ZNF652: variants seen among roughly 807,000 people sequenced by gnomAD.
The protein encoded by ZNF652 is zinc finger protein 652.
ZNF652 carries 16 observed loss-of-function variants against 45.2 expected under a neutral mutation model. The ratio of observed to expected loss-of-function variants is 0.35; its 90% CI spans 0.24 to 0.54. The LOEUF (loss-of-function observed/expected upper bound fraction) is 0.54. Among genes scored for constraint, ZNF652 ranks in the 20% least tolerant of loss-of-function variants. The pLI, the probability that ZNF652 is intolerant of heterozygous loss-of-function variation, is 0.91. For synonymous variants in ZNF652, 250 were observed against 260.6 expected, an observed-to-expected ratio of 0.96 and a Z score of 0.39; for missense variants, 614 against 765.6, an observed-to-expected ratio of 0.80 and a Z score of 2.34.
chr17:49,298,953 T>A, intron 5 of ZNF652, 29 bp from the exon 6 acceptor site: 3 of 1,579,468 alleles, frequency 1.9e-6, no homozygotes, highest in Non-Finnish European at 2.6e-6. Flanking sequence ...TAAAAATGAT[T>A]AACATATTAG....
At chr17:49,342,318 T>C (rs1038104302) in intron 1 of ZNF652, among the ~76,000 whole-genome samples, 1 of 152,072 alleles carries the variant, frequency 6.6e-6, no homozygotes, top group Non-Finnish European at 1.5e-5. Flanking sequence ...TATTTAAAAA[T>C]TTTTATGTTA....
intron 1 of ZNF652, among the ~76,000 whole-genome samples, chr17:49,361,545 C>T (rs1179489630): frequency 6.6e-6 from 1 of 152,178 alleles, no homozygotes; most frequent in African/African-American, 2.4e-5. Flanking sequence ...GGCAGGAGAA[C>T]GCTCGCAGGA....
In ZNF652 at chr17:49,298,875, G is replaced by A. The variant is rs936377854; in HGVS notation, c.1359C>T (p.Arg453=). 4 of 1,613,402 alleles carry A rather than the reference G, an allele frequency of 2.5e-6. No homozygotes were observed. The African/African-American group carries it at 5.3e-5, about 22-fold the overall frequency. ...CEICGKSFTS[R]PNMKRHRRTH... ...TTCTGCGGTGTCTCTTCATGTTGGG[G>A]CGGCTGGTGAAGCTTTTGCCACAGA... is the stretch of plus-strand genomic sequence containing the variant. The change falls in exon 6 of 6, where the codon CGC becomes CGT. Residue 453 remains arginine (R), a synonymous_variant. Coordinates refer to ENST00000430262, the MANE Select transcript of ZNF652 (RefSeq NM_001145365.3).
rs1168290791 is a variant in ZNF652 at position 49,351,006 on chromosome 17, TATATATATAC to T, written c.-259+10893_-259+10902del. ...ATATATATATATATATATATATATA[TATATATATAC>T]ACACACACACACACACACACACACA... is the stretch of plus-strand genomic sequence containing the variant. On this transcript the variant is annotated intron_variant, in intron 1 of 5. Transcript: ENST00000430262. Among the ~76,000 whole-genome samples, 76 of 21,260 alleles carry T rather than the reference TATATATATAC, an allele frequency of 3.6e-3. 1 individual carries two copies. Among genetic ancestry groups the T allele is most frequent in the Non-Finnish European group, 5.4e-3 (59 of 10,858 alleles). 13.9% of individuals were successfully genotyped at this position (21,260 alleles called of 152,430 possible).
At chr17:49,351,317 A>C (rs746565505) in intron 1 of ZNF652, among the ~76,000 whole-genome samples, 19 of 152,020 alleles carry the variant, frequency 1.2e-4, no homozygotes, top group Non-Finnish European at 2.5e-4. Context: ...CTAACCGTGA[A>C]ACGTGCATAT....
intron 1 of ZNF652, among the ~76,000 whole-genome samples, chr17:49,361,616 C>T (rs898004282): frequency 7.9e-5 from 12 of 152,146 alleles, no homozygotes; most frequent in Non-Finnish European, 1.5e-4. Context: ...CCCCTCAGGC[C>T]TCAGGGCGAG....
intron 1 of ZNF652, among the ~76,000 whole-genome samples, chr17:49,354,651 G>A (rs2070316625): frequency 6.6e-6 from 1 of 151,182 alleles, no homozygotes; most frequent in Non-Finnish European, 1.5e-5. Context: ...AAAAAAACCT[G>A]TCCACTAAAA....
intron 1 of ZNF652, among the ~76,000 whole-genome samples, chr17:49,326,139 A>G (rs549313699): frequency 1.1e-4 from 17 of 151,880 alleles, no homozygotes; most frequent in African/African-American, 4.1e-4. Context: ...TGGGCCAGGT[A>G]CAGTGGCTCA....
rs2069708457 is a variant in ZNF652, at chr17:49,311,319, T to C, written c.1302A>G (p.Thr434=). Residue 434 remains threonine (T), a synonymous_variant, in exon 5 of 6, where the codon ACA becomes ACG. Transcript: ENST00000430262. ...MKQYFDEHMK[T]HTGEKPFICE... ...TTCCCAAGAAATTCTTACCAGTGTG[T>C]GTTTTCATGTGTTCGTCGAAGTACT... is the stretch of plus-strand genomic sequence containing the variant. 1 of 1,614,086 alleles carries C rather than the reference T, an allele frequency of 6.2e-7. No homozygotes were observed. The highest frequency in any genetic ancestry group is 8.5e-7 in the Non-Finnish European group (1 of 1,179,936).
intron 1 of ZNF652, among the ~76,000 whole-genome samples, chr17:49,348,481 AAAG>A (rs2070232127): frequency 4.7e-5 from 1 of 21,372 alleles, no homozygotes; most frequent in African/African-American, 1.4e-4. Context: ...TTGCCTCAAA[AAAG>A]AAAAGAAAAG....
chr17:49,327,779 A>T (rs7502292), intron 1 of ZNF652, among the ~76,000 whole-genome samples: 410 of 3,974 alleles, frequency 0.1, 3 homozygotes, highest in Middle Eastern at 0.17. Context: ...ATATATATAT[A>T]TTTTTTTTTT....
chr17:49,301,763 A>C (rs944687179), intron 5 of ZNF652, among the ~76,000 whole-genome samples: 1 of 152,080 alleles, frequency 6.6e-6, no homozygotes, highest in African/African-American at 2.4e-5. Context: ...GTGTTGTTTC[A>C]AGCCTGTAAT....
chr17:49,339,847 C>T lies in ZNF652; in HGVS notation c.-258-21864G>A, dbSNP rs565272983. ...ATGTAAAAGCCAAGAGATTCTTCTGCCTCAGCCTCCCGAGTATCTGGGACA... is the reference window on the plus strand; with the variant it reads ...ATGTAAAAGCCAAGAGATTCTTCTGTCTCAGCCTCCCGAGTATCTGGGACA... On this transcript the variant is annotated intron_variant, in intron 1 of 5. Transcript: ENST00000430262. 5.3e-5 allele frequency among the ~76,000 whole-genome samples: 8 copies of T among 152,344 alleles called. No homozygotes were observed. The South Asian group carries it at 1.4e-3, about 28-fold the overall frequency.
intron 1 of ZNF652, among the ~76,000 whole-genome samples, chr17:49,340,816 G>A (rs35587648): frequency 0.36 from 54,477 of 151,924 alleles, 10,036 homozygotes; most frequent in Non-Finnish European, 0.38. Context: ...AGCTGAGGCA[G>A]GAGGATAGCT....
chr17:49,355,621 C>T (rs771698027), intron 1 of ZNF652, among the ~76,000 whole-genome samples: 4 of 148,060 alleles, frequency 2.7e-5, no homozygotes, highest in Non-Finnish European at 4.5e-5. Flanking sequence ...TAGTAGTGAC[C>T]GGGCGCGGTG....
At chr17:49,309,013 A>T (rs1258855524) in intron 5 of ZNF652, among the ~76,000 whole-genome samples, 1 of 152,122 alleles carries the variant, frequency 6.6e-6, no homozygotes, top group Non-Finnish European at 1.5e-5. Context: ...AAACAAAGAA[A>T]TACAAGAGAA....
At chr17:49,336,990 G>C (rs2070092367) in intron 1 of ZNF652, among the ~76,000 whole-genome samples, 1 of 132,126 alleles carries the variant, frequency 7.6e-6, no homozygotes, top group Non-Finnish European at 1.6e-5. Flanking sequence ...CAGGTTGAGT[G>C]AAATAAAATC....
intron 1 of ZNF652, among the ~76,000 whole-genome samples, chr17:49,351,006 TATATATATACAC>T (rs1463411588): frequency 5.6e-4 from 12 of 21,256 alleles, no homozygotes; most frequent in South Asian, 4.4e-3. Context: ...TATATATATA[TATATATATACAC>T]ACACACACAC....
intron 2 of ZNF652, among the ~76,000 whole-genome samples, chr17:49,313,494 C>T (rs761869853): frequency 5.3e-5 from 8 of 152,014 alleles, no homozygotes; most frequent in East Asian, 3.9e-4. Flanking sequence ...GCAAGACATT[C>T]GAGTTTTAAA....
Sources: allele counts gnomAD v4.1 joint callset (sites outside exome capture counted in the v4.1 genomes callset), GRCh38; gene constraint gnomAD v4.1.1; transcripts MANE v1.5; gene names NCBI Gene and HGNC (gene_info 2026-07-23, HGNC 2026-07-21).